UTP14A: variants seen among roughly 807,000 people sequenced by gnomAD.
UTP14A encodes the protein UTP14A small subunit processome component, also known as U3 small nucleolar RNA-associated protein 14 homolog A.
UTP14A carries 5 observed loss-of-function variants against 57.2 expected under a neutral mutation model. The ratio of observed to expected loss-of-function variants is 0.09; its 90% CI spans 0.05 to 0.18. UTP14A has a LOEUF of 0.18. Among genes scored for constraint, UTP14A ranks in the 10% least tolerant of loss-of-function variants. The pLI is 1.00. For missense variants in UTP14A, 430 were observed against 562.1 expected (o/e 0.76, Z 2.38); for synonymous variants, 169 against 210.9 (o/e 0.80, Z 1.72).
intron 12 of UTP14A, 104 bp downstream of exon 12, chrX:129,925,299 G>T (rs1930063741): frequency 1.9e-6 from 2 of 1,028,675 alleles, no homozygotes; most frequent in Admixed American, 5.8e-5. Flanking sequence ...TAGTTTAGAG[G>T]TCCAGAATAG....
chrX:129,917,442 C>A (rs1242986161), intron 6 of UTP14A, among the ~76,000 whole-genome samples: 2 of 111,978 alleles, frequency 1.8e-5, no homozygotes, highest in Non-Finnish European at 3.8e-5. Context: ...AGGTTTGAAA[C>A]TAGCTCTGTT....
At chrX:129,927,305 G>T (rs929814303) in intron 14 of UTP14A, among the ~76,000 whole-genome samples, 3 of 111,437 alleles carry the variant, frequency 2.7e-5, no homozygotes, top group Non-Finnish European at 5.7e-5. Context: ...GCCTAGGGGG[G>T]ACTTCTGAGA....
intron 11 of UTP14A, 127 bp downstream of exon 11, chrX:129,921,714 C>A: frequency 3.0e-6 from 2 of 675,864 alleles, no homozygotes; most frequent in Non-Finnish European, 4.2e-6. Flanking sequence ...TGCAAGAGTG[C>A]GTACACTGGA....
intron 14 of UTP14A, among the ~76,000 whole-genome samples, chrX:129,928,550 T>TC (rs1325613021): frequency 9.2e-6 from 1 of 108,402 alleles, no homozygotes; most frequent in African/African-American, 3.4e-5. Context: ...GGTCAGGAGA[T>TC]CAAGACATCC....
rs1444423111 is a variant in UTP14A, at chrX:129,908,707, G to A, written c.211G>A (p.Val71Met). ...LAERSEASLK[V>M]SEFNVSSEGS... ...TGAGAGGTCTGAGGCTAGTCTGAAG[G>A]TGTCAGAGTTCAATGTCAGTTCTGA... The change falls in exon 4 of 15, where the codon GTG becomes ATG. Residue 71 changes from valine to methionine, a missense_variant. Physicochemically the swap from Val to Met is conservative, Grantham distance 21. Around this residue, in one of 4 missense-constraint regions of UTP14A, gnomAD observed 145 missense variants for 153.5 expected, o/e 0.94. Coordinates refer to ENST00000394422, the MANE Select transcript of UTP14A (RefSeq NM_006649.4). 5 of 1,211,572 alleles carry A rather than the reference G, an allele frequency of 4.1e-6. No individual in the cohort carries two copies. Among genetic ancestry groups the A allele is most frequent in the South Asian group, 1.8e-5 (1 of 57,013 alleles).
chrX:129,906,625 G>A (rs1015148731), intron 1 of UTP14A, among the ~76,000 whole-genome samples: 1 of 110,636 alleles, frequency 9.0e-6, no homozygotes, highest in Non-Finnish European at 1.9e-5. Context: ...CATCCACCAC[G>A]TTTTGGCTCC....
In UTP14A at chrX:129,926,130, A is replaced by C; in HGVS notation, c.1943+18A>C. On this transcript the variant is annotated intron_variant, in intron 13 of 14. Coordinates refer to ENST00000394422, the MANE Select transcript of UTP14A (RefSeq NM_006649.4). ...AGACGCCGGTAAGAATGCCGAAGAA[A>C]GTCTGTCAAAAGGGCACCGGGTTCT... is the stretch of plus-strand genomic sequence containing the variant. 1 of 1,210,293 alleles carries C rather than the reference A, an allele frequency of 8.3e-7. No individual in the cohort carries two copies. The highest frequency in any genetic ancestry group is 1.1e-6 in the Non-Finnish European group (1 of 894,638).
chrX:129,924,061 A>G (rs1603017395), intron 11 of UTP14A, among the ~76,000 whole-genome samples: 1 of 108,926 alleles, frequency 9.2e-6, no homozygotes, highest in East Asian at 2.9e-4. Context: ...GGCTCCAGCA[A>G]TCCTCCCAGC....
chrX:129,906,297 T>G (rs1929257050), intron 1 of UTP14A, 61 bp downstream of exon 1: 1 of 1,098,403 alleles, frequency 9.1e-7, no homozygotes, highest in Admixed American at 2.3e-5. Flanking sequence ...TTCCCCAGCT[T>G]TTGGGAAATG....
intron 14 of UTP14A, among the ~76,000 whole-genome samples, chrX:129,926,762 G>C (rs947035150): frequency 2.7e-5 from 3 of 111,633 alleles, no homozygotes; most frequent in African/African-American, 9.8e-5. Flanking sequence ...GAAGTTAGAG[G>C]ACATACAGAA....
At chrX:129,922,465 C>T (rs1482094930) in intron 11 of UTP14A, 2 of 111,662 alleles carry the variant, frequency 1.8e-5, no homozygotes, top group Non-Finnish European at 3.8e-5. Flanking sequence ...CTCTGTCATC[C>T]AGGCTGGAAT....
intron 6 of UTP14A, among the ~76,000 whole-genome samples, chrX:129,916,560 A>G (rs1296093131): frequency 9.0e-6 from 1 of 111,243 alleles, no homozygotes; most frequent in Non-Finnish European, 1.9e-5. Flanking sequence ...TGTCTCTGTA[A>G]TAGCCCTTAT....
chrX:129,906,658 A>G (rs1289896342), intron 1 of UTP14A, among the ~76,000 whole-genome samples: 1 of 34,270 alleles, frequency 2.9e-5, no homozygotes, highest in African/African-American at 9.7e-5. Flanking sequence ...TGCCCCCCCC[A>G]CCCCGCCCCC....
chrX:129,908,154 A>G, intron 3 of UTP14A, 24 bp downstream of exon 3: 2 of 1,149,294 alleles, frequency 1.7e-6, no homozygotes, highest in Non-Finnish European at 2.4e-6. Context: ...CAGTTAGGGC[A>G]GGTTATATAG....
At chrX:129,912,969 G>A (rs762978260) in intron 6 of UTP14A, among the ~76,000 whole-genome samples, 1 of 111,832 alleles carries the variant, frequency 8.9e-6, no homozygotes, top group Non-Finnish European at 1.9e-5. Flanking sequence ...TATGCTCTTG[G>A]CAAAATTAGA....
Position 129,919,215 on chromosome X carries a change from A to G in UTP14A, c.578A>G (p.His193Arg). Reference protein sequence around the residue: ...PLEQEIFNLLHKNKQPVTDPL... With the variant: ...PLEQEIFNLLRKNKQPVTDPL... Reference sequence around the variant, plus strand: ...GAGCAGGAAATTTTCAACCTCCTCCATAAGAACAAGCAGCCAGTGACAGAC... The same window carrying G: ...GAGCAGGAAATTTTCAACCTCCTCCGTAAGAACAAGCAGCCAGTGACAGAC... The change falls in exon 7 of 15, where the codon CAT (histidine) becomes CGT (arginine). Residue 193 changes from histidine to arginine, a missense_variant. His to Arg is a conservative substitution (Grantham distance 29). Coordinates refer to ENST00000394422, the MANE Select transcript of UTP14A (RefSeq NM_006649.4). The G allele has an allele frequency of 8.3e-7, 1 of 1,212,038 alleles. No homozygotes were observed. Among genetic ancestry groups the G allele is most frequent in the Non-Finnish European group, 1.1e-6 (1 of 895,578 alleles).
chrX:129,907,469 C>T lies in UTP14A; in HGVS notation c.102+27C>T, dbSNP rs1171818114. 4 of 1,152,549 alleles carry T rather than the reference C, an allele frequency of 3.5e-6. No homozygotes were observed. The Admixed American group carries it at 9.1e-5, about 26-fold the overall frequency. 95.0% of individuals were successfully genotyped at this position (1,152,549 alleles called of 1,213,427 possible). ...TGGGTGACAATTGCTAAACTGCCTT[C>T]AAAATTAGGGTAGAGAGCACATTCC... is the stretch of plus-strand genomic sequence containing the variant. On this transcript the variant is annotated intron_variant, in intron 2 of 14. Coordinates refer to ENST00000394422, the MANE Select transcript of UTP14A (RefSeq NM_006649.4).
In UTP14A at chrX:129,929,599, T is replaced by A. The variant is rs571476637; in HGVS notation, c.2307T>A (p.Ser769=). ...TRHKKQLKKC[S]VD Reference sequence around the variant, plus strand: ...ACAAAAAACAGCTGAAGAAATGCTCTGTAGATTGAGTTGCTGGAGGAGTGA... The same window carrying A: ...ACAAAAAACAGCTGAAGAAATGCTCAGTAGATTGAGTTGCTGGAGGAGTGA... The change falls in exon 15 of 15, where the codon TCT becomes TCA. Residue 769 remains serine (S), a synonymous_variant. Coordinates refer to ENST00000394422, the MANE Select transcript of UTP14A (RefSeq NM_006649.4). The A allele has an allele frequency of 5.0e-4, 603 of 1,207,273 alleles. 4 individuals carry two copies. In the South Asian group the frequency reaches 9.9e-3, roughly 20 times the overall value.
In UTP14A at chrX:129,920,656, C is replaced by T. The variant is rs1164010143; in HGVS notation, c.877-19C>T. ...GAAGGCACTAAAGATGTAAATCTCA[C>T]TCTGTCCTTTCTTTCTAGGAAAGAA... On this transcript the variant is annotated intron_variant, in intron 9 of 14. Coordinates refer to ENST00000394422, the MANE Select transcript of UTP14A (RefSeq NM_006649.4). The T allele has an allele frequency of 8.8e-7, 1 of 1,140,615 alleles. No homozygotes were observed. The highest frequency in any genetic ancestry group is 1.9e-5 in the African/African-American group (1 of 52,969). The allele number at this position is 1,140,615 out of a possible 1,213,427, so 94.0% of individuals were successfully genotyped here.
Sources: gnomAD v4.1 joint callset for allele counts (sites outside exome capture counted in the v4.1 genomes callset) on GRCh38, gnomAD v4.1.1 for gene constraint, gnomAD v4.1.1 regional missense constraint, MANE v1.5 for transcripts, NCBI Gene and HGNC (gene_info 2026-07-23, HGNC 2026-07-21) for gene names.